The following EPHA6 variants were observed in gnomAD, a reference collection of about 807,000 sequenced individuals.
EPHA6 encodes ephrin type-A receptor 6.
EPHA6 carries 50 observed loss-of-function variants against 112.0 expected under a neutral mutation model. The observed-to-expected ratio is 0.45, with a 90% CI of 0.36 to 0.56. The LOEUF (loss-of-function observed/expected upper bound fraction) is 0.56. Ranked by LOEUF, EPHA6 falls within the 20% of genes least tolerant of loss-of-function variation. The pLI is 0.00. For missense variants in EPHA6, 1,280 were observed against 1,417.4 expected (o/e 0.90, Z 1.56); for synonymous variants, 529 against 490.7 (o/e 1.08, Z -1.03).
chr3:97,152,540 G>T (rs1460775205), intron 3 of EPHA6, among the ~76,000 whole-genome samples: 1 of 151,634 alleles, frequency 6.6e-6, no homozygotes, highest in Non-Finnish European at 1.5e-5. Context: ...TTAAATTATT[G>T]TCATTATCTC....
intron 5 of EPHA6, among the ~76,000 whole-genome samples, chr3:97,245,613 A>G (rs545357479): frequency 3.9e-5 from 6 of 152,008 alleles, no homozygotes; most frequent in Non-Finnish European, 8.8e-5. Context: ...TGAAAAGCCT[A>G]TTTCAAAAGG....
intron 10 of EPHA6, among the ~76,000 whole-genome samples, chr3:97,501,844 C>T (rs1406992491): frequency 6.6e-6 from 1 of 151,908 alleles, no homozygotes; most frequent in African/African-American, 2.4e-5. Context: ...AGATCAAAAA[C>T]AGTAAATGGT....
At chr3:97,292,059 A>G (rs2080704421) in intron 5 of EPHA6, among the ~76,000 whole-genome samples, 1 of 152,244 alleles carries the variant, frequency 6.6e-6, no homozygotes, top group African/African-American at 2.4e-5. Context: ...CAGCTGTAGC[A>G]GGTTGGGCAG....
chr3:97,096,606 T>A (rs1378652433), intron 3 of EPHA6, among the ~76,000 whole-genome samples: 1 of 151,896 alleles, frequency 6.6e-6, no homozygotes, highest in South Asian at 2.1e-4. Flanking sequence ...GCATTTAAAA[T>A]CTCAGTGAGA....
chr3:97,374,868 T>C (rs556916731), intron 5 of EPHA6, among the ~76,000 whole-genome samples: 2 of 152,302 alleles, frequency 1.3e-5, no homozygotes, highest in South Asian at 4.1e-4. Flanking sequence ...CAGATTTAAA[T>C]ATTTTTCCTA....
chr3:97,556,583 C>T (rs1199416595), intron 11 of EPHA6, among the ~76,000 whole-genome samples: 1 of 152,006 alleles, frequency 6.6e-6, no homozygotes, highest in African/African-American at 2.4e-5. Context: ...GGGTAACTGC[C>T]TCCATGATTC....
chr3:96,853,946 A>G (rs1422225541), intron 1 of EPHA6, among the ~76,000 whole-genome samples: 2 of 152,010 alleles, frequency 1.3e-5, no homozygotes, highest in Admixed American at 6.6e-5. Context: ...GTATTTTGCA[A>G]CTACTTAAAG....
chr3:97,558,954 A>G (rs2093151575), intron 11 of EPHA6, among the ~76,000 whole-genome samples: 1 of 152,060 alleles, frequency 6.6e-6, no homozygotes, highest in Non-Finnish European at 1.5e-5. Flanking sequence ...ACTTATATAA[A>G]TTGCCAGTAA....
At chr3:96,841,430 C>T (rs1033681196) in intron 1 of EPHA6, among the ~76,000 whole-genome samples, 3 of 152,014 alleles carry the variant, frequency 2.0e-5, no homozygotes, top group Non-Finnish European at 4.4e-5. Context: ...TTCCATCTTT[C>T]GATTTCCAAA....
In EPHA6 at chr3:97,750,045, T is replaced by G. The variant is rs1012907241; in HGVS notation, c.*1344T>G. Among the ~76,000 whole-genome samples, 1 of 152,160 alleles carries G rather than the reference T, an allele frequency of 6.6e-6. No individual in the cohort carries two copies. Among genetic ancestry groups the G allele is most frequent in the African/African-American group, 2.4e-5 (1 of 41,428 alleles). On this transcript the variant is annotated 3_prime_UTR_variant, in exon 18 of 18. Coordinates refer to ENST00000389672, the MANE Select transcript of EPHA6 (RefSeq NM_001080448.3). ...TATATTTTAAGTGATTTAAGCTGAG[T>G]TGGCTTATCAAAATTGTGCTATATC...
intron 1 of EPHA6, among the ~76,000 whole-genome samples, chr3:96,857,755 C>T (rs1463431586): frequency 6.6e-6 from 1 of 151,458 alleles, no homozygotes; most frequent in East Asian, 1.9e-4. Context: ...TCCAATTTAG[C>T]TATACAGAAG....
chr3:96,841,540 C>T (rs1204052749), intron 1 of EPHA6, among the ~76,000 whole-genome samples: 1 of 152,006 alleles, frequency 6.6e-6, no homozygotes, highest in Non-Finnish European at 1.5e-5. Context: ...GGGTGTGTTA[C>T]ATTAAGTGCC....
intron 3 of EPHA6, among the ~76,000 whole-genome samples, chr3:97,080,756 T>G (rs539468449): frequency 6.6e-6 from 1 of 152,188 alleles, no homozygotes; most frequent in South Asian, 2.1e-4. Flanking sequence ...TGTTTGAATT[T>G]CCTGTTCCTT....
intron 6 of EPHA6, among the ~76,000 whole-genome samples, chr3:97,438,575 A>G (rs1417380007): frequency 6.6e-6 from 1 of 152,188 alleles, no homozygotes; most frequent in African/African-American, 2.4e-5. Flanking sequence ...TTTGGACAAT[A>G]TATCATGAGA....
rs576729165 is a variant in EPHA6, at chr3:97,665,839, C to T, written c.2784+27757C>T. Among the ~76,000 whole-genome samples, 11 of 152,258 alleles carry T rather than the reference C, an allele frequency of 7.2e-5. No individual in the cohort carries two copies. In the South Asian group the frequency reaches 1.7e-3, roughly 23 times the overall value. ...TTGGGAGGCCAAGGCGGGCAGATCA[C>T]GAGATCAGGGGTTCGACACCAATCT... On this transcript the variant is annotated intron_variant, in intron 14 of 17. Transcript: ENST00000389672.
intron 5 of EPHA6, among the ~76,000 whole-genome samples, chr3:97,338,696 A>AC (rs1213947432): frequency 6.6e-6 from 1 of 152,194 alleles, no homozygotes; most frequent in Admixed American, 6.5e-5. Flanking sequence ...TTGCAAATTT[A>AC]CCATATCACT....
intron 3 of EPHA6, among the ~76,000 whole-genome samples, chr3:96,989,312 A>C (rs2043133717): frequency 6.6e-6 from 1 of 152,192 alleles, no homozygotes. Flanking sequence ...ACTGGAGAAT[A>C]CTAATATTTG....
chr3:96,860,733 A>G (rs2035961333), intron 1 of EPHA6, among the ~76,000 whole-genome samples: 4 of 152,050 alleles, frequency 2.6e-5, no homozygotes, highest in African/African-American at 9.7e-5. Flanking sequence ...TAAATATAAG[A>G]CTAGAAAATC....
At chr3:96,988,925 T>G (rs896301928) in intron 3 of EPHA6, among the ~76,000 whole-genome samples, 1 of 152,156 alleles carries the variant, frequency 6.6e-6, no homozygotes, top group Non-Finnish European at 1.5e-5. Context: ...AGTATATACA[T>G]TCAAAAATTT....
Sources: allele counts gnomAD v4.1 joint callset (sites outside exome capture counted in the v4.1 genomes callset), GRCh38; gene constraint gnomAD v4.1.1; transcripts MANE v1.5; gene names NCBI Gene and HGNC (gene_info 2026-07-23, HGNC 2026-07-21).